Variants in HSPG2 observed in about 807,000 individuals in gnomAD.
HSPG2 encodes basement membrane-specific heparan sulfate proteoglycan core protein.
HSPG2 carries 278 observed loss-of-function variants against 526.6 expected under a neutral mutation model. The observed-to-expected ratio is 0.53, with a 90% CI of 0.48 to 0.58. The LOEUF (loss-of-function observed/expected upper bound fraction) is 0.58. Ranked by LOEUF, HSPG2 falls within the 20% of genes least tolerant of loss-of-function variation. The pLI is 0.00. For synonymous variants in HSPG2, 2,465 were observed against 2,555.4 expected, an observed-to-expected ratio of 0.96 and a Z score of 1.07; for missense variants, 5,354 against 6,099.5, an observed-to-expected ratio of 0.88 and a Z score of 4.07.
intron 13 of HSPG2, among the ~76,000 whole-genome samples, chr1:21,883,315 C>G (rs1464856707): frequency 1.3e-5 from 2 of 152,102 alleles, no homozygotes; most frequent in African/African-American, 4.8e-5. Context: ...TGGGAAGTAA[C>G]TAAGTTTTGT....
intron 91 of HSPG2, chr1:21,825,011 C>T (rs1321895480): frequency 5.2e-6 from 3 of 573,344 alleles, no homozygotes; most frequent in Non-Finnish European, 9.5e-6. Context: ...GCAGTTCTTT[C>T]AATGAGATGT....
intron 1 of HSPG2, among the ~76,000 whole-genome samples, chr1:21,915,302 T>G (rs1643865105): frequency 6.6e-6 from 1 of 152,110 alleles, no homozygotes; most frequent in Admixed American, 6.5e-5. Flanking sequence ...GGAGGCCTCC[T>G]CCCCTTCTCC....
chr1:21,862,100 C>A lies in HSPG2; in HGVS notation c.4756G>T (p.Ala1586Ser), dbSNP rs199840493. Residue 1586 changes from alanine (A) to serine (S), a missense_variant, in exon 38 of 97, where the codon GCC becomes TCC. Physicochemically the swap from Ala to Ser is moderately conservative, Grantham distance 99. Coordinates refer to ENST00000374695, the MANE Select transcript of HSPG2 (RefSeq NM_005529.7). ...CAAAGCTCGCAGAACTCCCCTGCGG[C>A]GTTGTGCTGGCATTGCTGCAGGGCA... ...TGACSQCQHN[A>S]AGEFCELCAP... 3.6e-5 allele frequency: 58 copies of A among 1,613,082 alleles called. No homozygotes were observed. Among genetic ancestry groups the A allele is most frequent in the Non-Finnish European group, 4.7e-5 (56 of 1,180,034 alleles).
At chr1:21,835,202 C>A in intron 76 of HSPG2, 2 of 612,714 alleles carry the variant, frequency 3.3e-6, no homozygotes, top group Non-Finnish European at 5.9e-6. Context: ...CGGCTCACCA[C>A]AGCCTAGAAT....
chr1:21,863,989 C>T, intron 37 of HSPG2, 111 bp downstream of exon 37: 3 of 866,990 alleles, frequency 3.5e-6, no homozygotes, highest in Non-Finnish European at 5.7e-6. Flanking sequence ...GAACCACAGG[C>T]CATGCCCCAT....
chr1:21,892,707 A>G (rs1642451875), intron 3 of HSPG2, among the ~76,000 whole-genome samples: 1 of 151,914 alleles, frequency 6.6e-6, no homozygotes, highest in Admixed American at 6.6e-5. Context: ...AAAATACAAA[A>G]ATTAACCAGG....
Position 21,854,189 on chromosome 1 carries a change from T to C in HSPG2, c.6439+4A>G. Reference sequence around the variant, plus strand: ...CCCCGGCCCAGCCACACCTGGCTCCTCACCTGGGGTGTAGCTGGGGCCAGA... The same window carrying C: ...CCCCGGCCCAGCCACACCTGGCTCCCCACCTGGGGTGTAGCTGGGGCCAGA... On this transcript the variant is annotated splice_donor_region_variant and intron_variant, in intron 50 of 96. Coordinates refer to ENST00000374695, the MANE Select transcript of HSPG2 (RefSeq NM_005529.7). 1 of 1,580,666 alleles carries C rather than the reference T, an allele frequency of 6.3e-7. No homozygotes were observed. The highest frequency in any genetic ancestry group is 2.3e-5 in the East Asian group (1 of 43,224).
At position 21,847,852 on chromosome 1, in the gene HSPG2, C is replaced by G. The variant is rs372722193; in HGVS notation, c.7874-12G>C. 6.2e-7 allele frequency: 1 copy of G among 1,613,890 alleles called. No individual in the cohort carries two copies. Among genetic ancestry groups the G allele is most frequent in the East Asian group, 2.2e-5 (1 of 44,880 alleles). On this transcript the variant is annotated splice_polypyrimidine_tract_variant and intron_variant, in intron 60 of 96. Coordinates refer to ENST00000374695, the MANE Select transcript of HSPG2 (RefSeq NM_005529.7). This position sits in a 1 kb window ranked among gnomAD's most constrained non-coding sequence, Gnocchi z 4.1. The stretch of plus-strand genomic sequence containing the variant: ...GGAGACGCTGGGCACTGGGGACAGA[C>G]GGGTGTGGACCACGCAGCCAGAGTG...
At chr1:21,906,332 C>G (rs750907435) in intron 1 of HSPG2, among the ~76,000 whole-genome samples, 1 of 152,228 alleles carries the variant, frequency 6.6e-6, no homozygotes, top group African/African-American at 2.4e-5. Flanking sequence ...AGCCAGACAG[C>G]CAGGCCTCAG....
At chr1:21,936,375 G>A (rs1174593021) in intron 1 of HSPG2, among the ~76,000 whole-genome samples, 2 of 152,228 alleles carry the variant, frequency 1.3e-5, no homozygotes, top group Admixed American at 6.5e-5. Context: ...TTGGAGACCT[G>A]GGAAGAGGAA....
rs2097987823 is a variant in HSPG2, at chr1:21,828,681, G to A, written c.12237+154C>T. On this transcript the variant is annotated intron_variant, in intron 88 of 96. Coordinates refer to ENST00000374695, the MANE Select transcript of HSPG2 (RefSeq NM_005529.7). This position sits in a 1 kb window ranked among gnomAD's most constrained non-coding sequence, Gnocchi z 6.0. ...GTGTGATCATGCCCATTTTACAGAG[G>A]AGGAAACTGAGGCTCAGAGGTACAG... is the stretch of plus-strand genomic sequence containing the variant. 6.6e-6 allele frequency among the ~76,000 whole-genome samples: 1 copy of A among 152,208 alleles called. No individual in the cohort carries two copies. The highest frequency in any genetic ancestry group is 1.5e-5 in the Non-Finnish European group (1 of 68,028).
intron 82 of HSPG2, 25 bp downstream of exon 82, chr1:21,831,627 G>A (rs2270701): frequency 6.2e-7 from 1 of 1,610,640 alleles, no homozygotes; most frequent in African/African-American, 1.3e-5. Flanking sequence ...AGGGCTGGAA[G>A]TAGCAGTATG....
At chr1:21,915,293 G>C (rs1385611256) in intron 1 of HSPG2, among the ~76,000 whole-genome samples, 3 of 152,226 alleles carry the variant, frequency 2.0e-5, no homozygotes, top group African/African-American at 7.2e-5. Flanking sequence ...ACTGCCAGGG[G>C]AGGCCTCCTC....
chr1:21,903,779 G>T (rs1358345042), intron 1 of HSPG2, among the ~76,000 whole-genome samples: 1 of 152,134 alleles, frequency 6.6e-6, no homozygotes, highest in Admixed American at 6.5e-5. Flanking sequence ...GGCCCCATGT[G>T]GTCTCTGCCT....
chr1:21,846,639 C>T (rs755241370), intron 62 of HSPG2, 40 bp from the exon 63 acceptor site: 1 of 1,612,384 alleles, frequency 6.2e-7, no homozygotes, highest in East Asian at 2.2e-5. Context: ...CAGCCGTTGT[C>T]AGATTTGGGA....
chr1:21,872,775 G>GAC lies in HSPG2; in HGVS notation c.3889-16_3889-15insGT. On this transcript the variant is annotated splice_polypyrimidine_tract_variant and intron_variant, in intron 31 of 96. Transcript: ENST00000374695. The surrounding 1 kb of genome is among the most constrained non-coding windows in gnomAD (Gnocchi z 5.5). ...TCCACCTGGGCCTGGGTAGACGGAT[G>GAC]GAAGGAGGCAGGCAGGGGACTCAGT... 2 of 1,606,492 alleles carry GAC rather than the reference G, an allele frequency of 1.2e-6. No homozygotes were observed. The highest frequency in any genetic ancestry group is 1.7e-6 in the Non-Finnish European group (2 of 1,177,386).
chr1:21,825,700 C>T (rs964344193), intron 91 of HSPG2, among the ~76,000 whole-genome samples: 1 of 152,178 alleles, frequency 6.6e-6, no homozygotes, highest in Non-Finnish European at 1.5e-5. Flanking sequence ...GTGCGGGGAG[C>T]GTCCCATCCA....
chr1:21,927,336 A>G (rs1435208843), intron 1 of HSPG2, among the ~76,000 whole-genome samples: 1 of 152,162 alleles, frequency 6.6e-6, no homozygotes, highest in African/African-American at 2.4e-5. Context: ...TGAGATCCCC[A>G]GGCCTGTGTG....
Position 21,859,592 on chromosome 1 carries a change from G to C in HSPG2, c.5267C>G (p.Thr1756Ser), listed in dbSNP as rs1397898001. Residue 1756 changes from threonine to serine, a missense_variant, in exon 42 of 97, where the codon ACC (threonine) becomes AGC (serine). By Grantham distance (58) the Thr-to-Ser change is moderately conservative. Coordinates refer to ENST00000374695, the MANE Select transcript of HSPG2 (RefSeq NM_005529.7). This position sits in a 1 kb window ranked among gnomAD's most constrained non-coding sequence, Gnocchi z 5.3. ...AGTGACCAGCAGCTCTGCCCGGCTG[G>C]TATTGGATTGGTGGAGATTACGGCA... Reference protein sequence around the residue: ...CTCRNLHQSNTSRAELLVTEA... With the variant: ...CTCRNLHQSNSSRAELLVTEA... 1.2e-6 allele frequency: 2 copies of C among 1,606,814 alleles called. No individual in the cohort carries two copies. The highest frequency in any genetic ancestry group is 1.3e-5 in the African/African-American group (1 of 74,852).
Sources: allele counts gnomAD v4.1 joint callset (sites outside exome capture counted in the v4.1 genomes callset), GRCh38; gene constraint gnomAD v4.1.1; non-coding constraint Gnocchi (gnomAD v3.1); transcripts MANE v1.5; gene names NCBI Gene and HGNC (gene_info 2026-07-23, HGNC 2026-07-21).